Variants in ARHGEF10 observed in about 807,000 individuals in gnomAD.
The protein encoded by ARHGEF10 is Rho guanine nucleotide exchange factor (GEF) 10.
Under a neutral mutation model 147.4 loss-of-function variants are expected in ARHGEF10, and 140 were observed. The observed-to-expected ratio is 0.95, with a 90% CI of 0.83 to 1.09. The LOEUF (loss-of-function observed/expected upper bound fraction) is 1.09. Among genes scored for constraint, ARHGEF10 ranks in the 50% least tolerant of loss-of-function variants. The probability of loss-of-function intolerance (pLI) is 0.00; values close to 1 mark genes in which losing one functional copy is unlikely to be tolerated. For synonymous variants in ARHGEF10, 902 were observed against 695.8 expected (o/e 1.30, Z -4.67); for missense variants, 2,222 against 1,752.7 (o/e 1.27, Z -4.78).
chr8:1,952,793 G>A lies in ARHGEF10; in HGVS notation c.3486G>A (p.Pro1162=), dbSNP rs746944326. 3.0e-5 allele frequency: 48 copies of A among 1,613,742 alleles called. No individual in the cohort carries two copies. In the East Asian group the frequency reaches 3.1e-4, roughly 10 times the overall value. ...GCCTGGGAGTCCTCGTGGCCCTGCCGGTCCCACGTCTGCAAGGGATTCCCA... is the reference window on the plus strand; with the variant it reads ...GCCTGGGAGTCCTCGTGGCCCTGCCAGTCCCACGTCTGCAAGGGATTCCCA... ...GTSLGVLVAL[P]VPRLQGIPKV... The change falls in exon 28 of 29, where the codon CCG becomes CCA. Residue 1162 remains proline (P), a synonymous_variant. Transcript: ENST00000349830.
At chr8:1,935,563 C>T (rs148402776) in intron 26 of ARHGEF10, among the ~76,000 whole-genome samples, 42 of 152,320 alleles carry the variant, frequency 2.8e-4, no homozygotes, top group South Asian at 8.3e-4. Context: ...ACACAGGGCT[C>T]TCAGGACCGC....
chr8:1,942,881 G>T lies in ARHGEF10; in HGVS notation c.3223-2600G>T, dbSNP rs1585629737. On this transcript the variant is annotated intron_variant, in intron 26 of 28. Coordinates refer to ENST00000349830, the MANE Select transcript of ARHGEF10 (RefSeq NM_014629.4). Reference sequence around the variant, plus strand: ...TTGTTTATATGAAATGTCAGAACAGGCAAATCCAGAGACAGAACGTGGATG... The same window carrying T: ...TTGTTTATATGAAATGTCAGAACAGTCAAATCCAGAGACAGAACGTGGATG... Among the ~76,000 whole-genome samples, 7 of 152,164 alleles carry T rather than the reference G, an allele frequency of 4.6e-5. No individual in the cohort carries two copies. The South Asian group carries it at 1.4e-3, about 31-fold the overall frequency.
chr8:1,951,002 C>G (rs914854255), intron 27 of ARHGEF10, among the ~76,000 whole-genome samples: 1 of 152,224 alleles, frequency 6.6e-6, no homozygotes, highest in Non-Finnish European at 1.5e-5. Context: ...CTCCCCTTCC[C>G]AGTATCTCAC....
chr8:1,826,075 A>G (rs1256839475), intron 1 of ARHGEF10: 8 of 1,588,518 alleles, frequency 5.0e-6, no homozygotes, highest in African/African-American at 2.7e-5. Flanking sequence ...AGCAGCCAAC[A>G]TCGGCAGTTA....
chr8:1,842,461 C>G (rs993446411), intron 1 of ARHGEF10, among the ~76,000 whole-genome samples: 1 of 152,190 alleles, frequency 6.6e-6, no homozygotes, highest in East Asian at 1.9e-4. Flanking sequence ...TACGTGAGGC[C>G]GGTGACCACC....
intron 11 of ARHGEF10, among the ~76,000 whole-genome samples, chr8:1,886,997 C>T (rs1808718205): frequency 6.6e-6 from 1 of 152,170 alleles, no homozygotes; most frequent in South Asian, 2.1e-4. Flanking sequence ...TCACCCACCT[C>T]ACTTCATGCT....
rs560519461 is a variant in ARHGEF10 at position 1,876,392 on chromosome 8, G to A, written c.680-179G>A. 12 of 665,866 alleles carry A rather than the reference G, an allele frequency of 1.8e-5. No homozygotes were observed. In the South Asian group the frequency reaches 2.2e-4, roughly 12 times the overall value. 41.2% of individuals were successfully genotyped at this position (665,866 alleles called of 1,614,324 possible). ...CAGCCTCCCCGGCCCTGCCCGGGTG[G>A]TGGAGGCGCTGCACGGTGCCTTCCA... On this transcript the variant is annotated intron_variant, in intron 7 of 28. Transcript: ENST00000349830.
intron 18 of ARHGEF10, among the ~76,000 whole-genome samples, chr8:1,921,678 T>G (rs1030715098): frequency 5.3e-5 from 8 of 151,858 alleles, no homozygotes; most frequent in African/African-American, 1.9e-4. Flanking sequence ...GAGGTTGCAG[T>G]GAGCTGAGAT....
intron 8 of ARHGEF10, among the ~76,000 whole-genome samples, chr8:1,878,650 C>T (rs1380370261): frequency 2.0e-5 from 3 of 152,072 alleles, no homozygotes; most frequent in Admixed American, 6.5e-5. Context: ...TCTTCAGTTT[C>T]GCCTTCATGG....
chr8:1,852,766 A>C (rs1346384185), intron 2 of ARHGEF10, among the ~76,000 whole-genome samples: 1 of 152,250 alleles, frequency 6.6e-6, no homozygotes, highest in Non-Finnish European at 1.5e-5. Flanking sequence ...GCATACTCAC[A>C]AGTGTAAAAA....
intron 7 of ARHGEF10, among the ~76,000 whole-genome samples, chr8:1,873,217 G>A (rs576520347): frequency 6.6e-6 from 1 of 152,228 alleles, no homozygotes; most frequent in Non-Finnish European, 1.5e-5. Context: ...GGGATGCTCT[G>A]TGCAGAGCTG....
chr8:1,888,504 G>T (rs1808999647), intron 11 of ARHGEF10, among the ~76,000 whole-genome samples: 1 of 133,744 alleles, frequency 7.5e-6, no homozygotes, highest in African/African-American at 3.1e-5. Context: ...GAAGTCTGTG[G>T]AGATACTGAG....
chr8:1,864,202 A>T (rs991563662), intron 4 of ARHGEF10, among the ~76,000 whole-genome samples, 171 bp from the exon 5 acceptor site: 3 of 152,196 alleles, frequency 2.0e-5, no homozygotes, highest in Non-Finnish European at 4.4e-5. Context: ...TCCAGTCTTG[A>T]ATACATTTTA....
intron 2 of ARHGEF10, among the ~76,000 whole-genome samples, chr8:1,847,604 A>T (rs112074738): frequency 1.3e-5 from 2 of 151,900 alleles, no homozygotes; most frequent in African/African-American, 4.8e-5. Context: ...TGGGGGCAGC[A>T]TTGTTTCTGG....
At chr8:1,934,563 G>A (rs1017758331) in intron 26 of ARHGEF10, among the ~76,000 whole-genome samples, 5 of 152,154 alleles carry the variant, frequency 3.3e-5, no homozygotes, top group Non-Finnish European at 7.3e-5. Context: ...ATTTGCATTT[G>A]ATTGAGGTGA....
At chr8:1,841,029 G>A (rs1024185636) in intron 1 of ARHGEF10, among the ~76,000 whole-genome samples, 2 of 152,170 alleles carry the variant, frequency 1.3e-5, no homozygotes, top group Admixed American at 1.3e-4. Context: ...CCCCTCTCCC[G>A]GCCGGTGGGT....
intron 28 of ARHGEF10, among the ~76,000 whole-genome samples, chr8:1,956,315 G>C (rs952322278): frequency 6.6e-6 from 1 of 152,174 alleles, no homozygotes; most frequent in East Asian, 1.9e-4. Context: ...AAAAATGGCA[G>C]GCAGCCGGTA....
intron 2 of ARHGEF10, among the ~76,000 whole-genome samples, chr8:1,848,815 G>GT (rs1370315974): frequency 6.6e-6 from 1 of 151,980 alleles, no homozygotes; most frequent in Non-Finnish European, 1.5e-5. Context: ...TTTAAATGCC[G>GT]TTAATATAAG....
At chr8:1,892,591 C>T (rs188994990) in intron 11 of ARHGEF10, among the ~76,000 whole-genome samples, 4 of 151,608 alleles carry the variant, frequency 2.6e-5, no homozygotes, top group East Asian at 3.9e-4. Context: ...TAGCATAATC[C>T]AGGGCTGCAG....
Sources: gnomAD v4.1 joint callset for allele counts (sites outside exome capture counted in the v4.1 genomes callset) on GRCh38, gnomAD v4.1.1 for gene constraint, MANE v1.5 for transcripts, NCBI Gene and HGNC (gene_info 2026-07-23, HGNC 2026-07-21) for gene names.